Variants in AGAP1 observed in about 807,000 individuals in gnomAD.
AGAP1 encodes the protein arf-GAP with GTPase, ANK repeat and PH domain-containing protein 1.
AGAP1 carries 29 observed loss-of-function variants against 105.3 expected under a neutral mutation model. The ratio of observed to expected loss-of-function variants is 0.28; its 90% CI spans 0.21 to 0.38. The LOEUF (loss-of-function observed/expected upper bound fraction) is 0.38. AGAP1 is among the 10% of genes least tolerant of loss of function. The probability of loss-of-function intolerance (pLI) is 1.00; values close to 1 mark genes in which losing one functional copy is unlikely to be tolerated. For missense variants in AGAP1, 998 were observed against 1,165.1 expected (o/e 0.86, Z 2.09); for synonymous variants, 509 against 485.9 (o/e 1.05, Z -0.63).
chr2:236,122,680 AT>A (rs71039713), intron 17 of AGAP1, among the ~76,000 whole-genome samples: 13,537 of 123,340 alleles, frequency 0.11, 501 homozygotes, highest in East Asian at 0.21. Context: ...TCCAGTGACA[AT>A]TTTTTTTTTT....
At chr2:235,528,763 G>A (rs930364602) in intron 1 of AGAP1, among the ~76,000 whole-genome samples, 4 of 152,090 alleles carry the variant, frequency 2.6e-5, no homozygotes, top group Admixed American at 6.5e-5. Context: ...TGAAACCTCC[G>A]CCTCCCGGGT....
chr2:235,671,019 C>G (rs975867311), intron 1 of AGAP1: 2 of 1,309,928 alleles, frequency 1.5e-6, no homozygotes, highest in Admixed American at 7.5e-5. Context: ...GAAGCGCACT[C>G]GTCCAGCGCC....
In AGAP1 at chr2:235,842,139, T is replaced by G. The variant is rs914940352; in HGVS notation, c.1050+34808T>G. 2.0e-5 allele frequency among the ~76,000 whole-genome samples: 3 copies of G among 152,244 alleles called. No homozygotes were observed. The highest frequency in any genetic ancestry group is 7.2e-5 in the African/African-American group (3 of 41,470). On this transcript the variant is annotated intron_variant, in intron 9 of 17. Transcript: ENST00000304032. The surrounding 1 kb of genome is among the most constrained non-coding windows in gnomAD (Gnocchi z 5.3). Reference sequence around the variant, plus strand: ...TCTCCCCAGCCTGCTGGCGTTGGGCTTCCTCCGCTCCTGGTTTCTTAGTTC... The same window carrying G: ...TCTCCCCAGCCTGCTGGCGTTGGGCGTCCTCCGCTCCTGGTTTCTTAGTTC...
chr2:235,512,927 C>G (rs905855712), intron 1 of AGAP1, among the ~76,000 whole-genome samples: 1 of 152,228 alleles, frequency 6.6e-6, no homozygotes, highest in Non-Finnish European at 1.5e-5. Flanking sequence ...TCGTGCAGGG[C>G]TCCCGGCCGG....
chr2:235,933,913 T>G (rs1457658414), intron 12 of AGAP1, among the ~76,000 whole-genome samples: 1 of 152,260 alleles, frequency 6.6e-6, no homozygotes, highest in Admixed American at 6.5e-5. Context: ...TACAGTTTAT[T>G]GAGGGCTTTA....
Position 235,799,652 on chromosome 2 carries a change from C to A in AGAP1, c.957+130C>A. 2 of 1,054,770 alleles carry A rather than the reference C, an allele frequency of 1.9e-6. No homozygotes were observed. The highest frequency in any genetic ancestry group is 1.6e-5 in the African/African-American group (1 of 62,928). The allele number at this position is 1,054,770 out of a possible 1,614,324, so 65.3% of individuals were successfully genotyped here. A position where few individuals can be genotyped will look rare whatever the true frequency, so the allele number is the denominator to read the frequency against. On this transcript the variant is annotated intron_variant, in intron 8 of 17. Coordinates refer to ENST00000304032, the MANE Select transcript of AGAP1 (RefSeq NM_001037131.3). The surrounding 1 kb of genome is among the most constrained non-coding windows in gnomAD (Gnocchi z 5.0). Reference sequence around the variant, plus strand: ...ATATTAAAGTGAATAACATTGATTTCTGTGGAGGACTAAGAAAATTAAGAG... The same window carrying A: ...ATATTAAAGTGAATAACATTGATTTATGTGGAGGACTAAGAAAATTAAGAG...
rs115603004 is a variant in AGAP1 at position 235,816,958 on chromosome 2, C to T, written c.1050+9627C>T. 5.9e-3 allele frequency among the ~76,000 whole-genome samples: 893 copies of T among 152,146 alleles called. 5 individuals carry two copies. The highest frequency in any genetic ancestry group is 0.02 in the African/African-American group (826 of 41,496). On this transcript the variant is annotated intron_variant, in intron 9 of 17. Transcript: ENST00000304032. ...GTATCATTAAAGTCTTATTTCAGTT[C>T]TGCAGTATTTATTTAACAGTTCCTG...
chr2:235,913,526 CCT>C (rs1383497885), intron 11 of AGAP1, among the ~76,000 whole-genome samples: 1 of 152,064 alleles, frequency 6.6e-6, no homozygotes, highest in Non-Finnish European at 1.5e-5. Context: ...GTGTTTCTGG[CCT>C]CTCAGATGTG....
rs1245901385 is a variant in AGAP1 at position 235,718,263 on chromosome 2, A to G, written c.310+619A>G. On this transcript the variant is annotated intron_variant, in intron 3 of 17. Transcript: ENST00000304032. ...CCCGTGTCCCCTAACGAAGGGGTGT[A>G]GTTGACAAGCAGTTTTCTAAATGAA... 6 of 522,578 alleles carry G rather than the reference A, an allele frequency of 1.1e-5. No homozygotes were observed. In the African/African-American group the frequency reaches 1.2e-4, roughly 11 times the overall value. The allele number at this position is 522,578 out of a possible 1,614,324, so 32.4% of individuals were successfully genotyped here. A position where few individuals can be genotyped will look rare whatever the true frequency, so the allele number is the denominator to read the frequency against.
Position 235,945,797 on chromosome 2 carries a change from G to A in AGAP1, c.1483+14874G>A, listed in dbSNP as rs546062472. Among the ~76,000 whole-genome samples, 20 of 150,028 alleles carry A rather than the reference G, an allele frequency of 1.3e-4. No homozygotes were observed. The South Asian group carries it at 4.0e-3, about 30-fold the overall frequency. ...GTTCCACAAGCTGTACAGGAAATGT[G>A]ATGCTGGCGTCTGCTTGGCTTCCGG... On this transcript the variant is annotated intron_variant, in intron 12 of 17. Coordinates refer to ENST00000304032, the MANE Select transcript of AGAP1 (RefSeq NM_001037131.3).
chr2:235,868,782 T>C (rs2049303623), intron 9 of AGAP1, among the ~76,000 whole-genome samples: 1 of 152,246 alleles, frequency 6.6e-6, no homozygotes, highest in African/African-American at 2.4e-5. Context: ...ATTCATGACA[T>C]TAACTTTGTA....
chr2:235,555,816 A>C lies in AGAP1; in HGVS notation c.163+60967A>C, dbSNP rs1254182347. Among the ~76,000 whole-genome samples, 1 of 152,110 alleles carries C rather than the reference A, an allele frequency of 6.6e-6. No individual in the cohort carries two copies. The highest frequency in any genetic ancestry group is 1.5e-5 in the Non-Finnish European group (1 of 68,024). Reference sequence around the variant, plus strand: ...TCTGAGTTACAGAAGTTAAATAGTGACTTGGTTCGGGGTCATGCCATGTGT... The same window carrying C: ...TCTGAGTTACAGAAGTTAAATAGTGCCTTGGTTCGGGGTCATGCCATGTGT... On this transcript the variant is annotated intron_variant, in intron 1 of 17. Transcript: ENST00000304032. This position sits in a 1 kb window ranked among gnomAD's most constrained non-coding sequence, Gnocchi z 5.1.
At chr2:235,902,216 TGTGGTTGGA>T (rs2051098653) in intron 10 of AGAP1, among the ~76,000 whole-genome samples, 1 of 152,210 alleles carries the variant, frequency 6.6e-6, no homozygotes, top group African/African-American at 2.4e-5. Context: ...TACACAGATG[TGTGGTTGGA>T]AGAGGGAGGA....
intron 1 of AGAP1, among the ~76,000 whole-genome samples, chr2:235,641,367 T>C (rs1947187922): frequency 6.6e-6 from 1 of 151,150 alleles, no homozygotes; most frequent in African/African-American, 2.4e-5. Flanking sequence ...TTTTTTTTTT[T>C]AAGTGTCCTG....
At chr2:235,928,419 GA>G (rs1323493791) in intron 11 of AGAP1, among the ~76,000 whole-genome samples, 2 of 152,190 alleles carry the variant, frequency 1.3e-5, no homozygotes, top group South Asian at 2.1e-4. Flanking sequence ...GCCAAGGAGA[GA>G]GGGGGTCACC....
chr2:235,563,291 T>C (rs997768412), intron 1 of AGAP1, among the ~76,000 whole-genome samples: 7 of 152,088 alleles, frequency 4.6e-5, no homozygotes, highest in African/African-American at 1.7e-4. Flanking sequence ...CCCCCTTTGC[T>C]GTGTCTGGTC....
In AGAP1 at chr2:235,737,906, G is replaced by T. The variant is rs1952344161; in HGVS notation, c.311-3057G>T. 6.6e-6 allele frequency among the ~76,000 whole-genome samples: 1 copy of T among 151,950 alleles called. No homozygotes were observed. The highest frequency in any genetic ancestry group is 2.4e-5 in the African/African-American group (1 of 41,368). On this transcript the variant is annotated intron_variant, in intron 3 of 17. Transcript: ENST00000304032. The surrounding 1 kb of genome is among the most constrained non-coding windows in gnomAD (Gnocchi z 4.5). ...GACAAGACGAAGCCTCATCAAAGTT[G>T]AACCTTAGGGTTCATCAAGCAGGGA...
intron 9 of AGAP1, among the ~76,000 whole-genome samples, chr2:235,841,901 T>G (rs1960899744): frequency 1.3e-5 from 2 of 151,840 alleles, no homozygotes; most frequent in African/African-American, 4.8e-5. Context: ...TGCTGCTCTC[T>G]CTCTTCCCCT....
At chr2:235,790,518 C>T (rs1357761829) in intron 6 of AGAP1, among the ~76,000 whole-genome samples, 1 of 152,162 alleles carries the variant, frequency 6.6e-6, no homozygotes, top group Non-Finnish European at 1.5e-5. Flanking sequence ...TGACCTGTAT[C>T]TTCTAACCAC....
Sources: gnomAD v4.1 joint callset for allele counts (sites outside exome capture counted in the v4.1 genomes callset) on GRCh38, gnomAD v4.1.1 for gene constraint, Gnocchi (gnomAD v3.1) non-coding constraint, MANE v1.5 for transcripts, NCBI Gene and HGNC (gene_info 2026-07-23, HGNC 2026-07-21) for gene names.